KCNJ6: variants seen among roughly 807,000 people sequenced by gnomAD.
KCNJ6 encodes the protein potassium inwardly rectifying channel subfamily J member 6.
A neutral mutation model predicts 34.2 loss-of-function variants in KCNJ6; 9 were observed. That is an observed-to-expected ratio of 0.26 (90% CI 0.16 to 0.46). The LOEUF (loss-of-function observed/expected upper bound fraction) is 0.46, where lower values mean the gene tolerates loss of function less well. Among genes scored for constraint, KCNJ6 ranks in the 20% least tolerant of loss-of-function variants. The probability of loss-of-function intolerance (pLI) is 1.00; values close to 1 mark genes in which losing one functional copy is unlikely to be tolerated. For synonymous variants in KCNJ6, 196 were observed against 207.1 expected, an observed-to-expected ratio of 0.95 and a Z score of 0.46; for missense variants, 236 against 531.3, an observed-to-expected ratio of 0.44 and a Z score of 5.46.
rs576005425 is a variant in KCNJ6, at chr21:37,809,985, G to T, written c.25+30673C>A. Among the ~76,000 whole-genome samples the T allele has an allele frequency of 5.7e-4, 87 of 152,294 alleles. 1 individual carries two copies. In the South Asian group the frequency reaches 0.018, roughly 31 times the overall value. ...TGTGAGTGAGAAATAGGCTTCCATT[G>T]TATTGGATCATTACATATCTGTGTT... On this transcript the variant is annotated intron_variant, in intron 2 of 3. Transcript: ENST00000609713.
At chr21:37,822,195 C>G (rs1006006064) in intron 2 of KCNJ6, among the ~76,000 whole-genome samples, 3 of 152,156 alleles carry the variant, frequency 2.0e-5, no homozygotes, top group African/African-American at 7.2e-5. Context: ...GATGACAGGT[C>G]CCTTGTCATG....
At chr21:37,698,612 C>G (rs1374723804) in intron 3 of KCNJ6, among the ~76,000 whole-genome samples, 1 of 152,144 alleles carries the variant, frequency 6.6e-6, no homozygotes, top group African/African-American at 2.4e-5. Context: ...TCACTGCAGC[C>G]TTTCGACCTC....
intron 2 of KCNJ6, among the ~76,000 whole-genome samples, chr21:37,783,387 T>C (rs1271504820): frequency 6.6e-6 from 1 of 152,180 alleles, no homozygotes; most frequent in East Asian, 1.9e-4. Flanking sequence ...GTTCTCATGG[T>C]AGTGAATAAA....
chr21:37,763,610 T>C (rs1434914217), intron 2 of KCNJ6, among the ~76,000 whole-genome samples: 1 of 152,226 alleles, frequency 6.6e-6, no homozygotes, highest in African/African-American at 2.4e-5. Context: ...TTCTGGTATC[T>C]GGACAATGCC....
intron 1 of KCNJ6, 135 bp from the exon 2 acceptor site, chr21:37,840,844 A>T: frequency 1.7e-6 from 1 of 579,692 alleles, no homozygotes; most frequent in South Asian, 2.5e-5. Flanking sequence ...TTAAATGAAT[A>T]AAAAACCCAC....
At chr21:37,885,018 G>A (rs1367523144) in intron 1 of KCNJ6, among the ~76,000 whole-genome samples, 1 of 152,178 alleles carries the variant, frequency 6.6e-6, no homozygotes, top group South Asian at 2.1e-4. Flanking sequence ...ACTTATGGCT[G>A]TTATTTCTCT....
rs2054280442 is a variant in KCNJ6, at chr21:37,618,517, G to C, written c.*6642C>G. 1 of 152,144 alleles carries C rather than the reference G, an allele frequency of 6.6e-6. No homozygotes were observed. The highest frequency in any genetic ancestry group is 6.5e-5 in the Admixed American group (1 of 15,274). 9.4% of individuals were successfully genotyped at this position (152,144 alleles called of 1,614,324 possible). A position where few individuals can be genotyped will look rare whatever the true frequency, so the allele number is the denominator to read the frequency against. On this transcript the variant is annotated 3_prime_UTR_variant, in exon 4 of 4. Transcript: ENST00000609713. ...AGCCCTTCATATTCTTATAAAGATTGGCTTAGTTGATATCACAGTATTGAT... is the reference window on the plus strand; with the variant it reads ...AGCCCTTCATATTCTTATAAAGATTCGCTTAGTTGATATCACAGTATTGAT...
At chr21:37,736,684 C>T (rs1280078565) in intron 2 of KCNJ6, among the ~76,000 whole-genome samples, 2 of 152,152 alleles carry the variant, frequency 1.3e-5, no homozygotes, top group Non-Finnish European at 2.9e-5. Flanking sequence ...GAGAGGGAGG[C>T]ACAATGCAGG....
chr21:37,616,590 C>CATATATATATATATAT lies in KCNJ6; in HGVS notation c.*8553_*8568dup. The CATATATATATATATAT allele has an allele frequency of 6.0e-3, 542 of 90,806 alleles. 41 individuals are homozygous for CATATATATATATATAT. Among genetic ancestry groups the CATATATATATATATAT allele is most frequent in the Middle Eastern group, 0.012 (2 of 168 alleles). The allele number at this position is 90,806 out of a possible 1,614,324, so 5.6% of individuals were successfully genotyped here. A position where few individuals can be genotyped will look rare whatever the true frequency, so the allele number is the denominator to read the frequency against. On this transcript the variant is annotated 3_prime_UTR_variant, in exon 4 of 4. Transcript: ENST00000609713. ...AATTATGAAGCAGGAACAAAATGTA[C>CATATATATATATATAT]ATATATATATATATATATATATATA... is the stretch of plus-strand genomic sequence containing the variant.
chr21:37,852,133 G>T (rs1361606821), intron 1 of KCNJ6, among the ~76,000 whole-genome samples: 1 of 152,222 alleles, frequency 6.6e-6, no homozygotes, highest in Non-Finnish European at 1.5e-5. Flanking sequence ...GGGAGCTTTG[G>T]CTCCCACTCT....
intron 1 of KCNJ6, among the ~76,000 whole-genome samples, chr21:37,892,628 A>G (rs2055767530): frequency 6.6e-6 from 1 of 152,118 alleles, no homozygotes. Context: ...GGTGAAGGCA[A>G]TGGTAGAGAC....
chr21:37,637,432 C>T (rs1204673409), intron 3 of KCNJ6, among the ~76,000 whole-genome samples: 2 of 152,150 alleles, frequency 1.3e-5, no homozygotes, highest in East Asian at 1.9e-4. Flanking sequence ...TACATGTGTA[C>T]TCCTAATTCT....
At chr21:37,628,705 G>GGTTTGTTAAGTAA (rs2054321321) in intron 3 of KCNJ6, among the ~76,000 whole-genome samples, 1 of 152,096 alleles carries the variant, frequency 6.6e-6, no homozygotes, top group African/African-American at 2.4e-5. Context: ...CCACAAGTAA[G>GGTTTGTTAAGTAA]GTGAACCCAA....
At chr21:37,773,592 C>T (rs555548017) in intron 2 of KCNJ6, among the ~76,000 whole-genome samples, 2 of 152,054 alleles carry the variant, frequency 1.3e-5, no homozygotes, top group South Asian at 2.1e-4. Context: ...ATGGAATTGT[C>T]GACTTCTGTT....
chr21:37,840,522 T>C (rs1388719701), intron 2 of KCNJ6, 136 bp downstream of exon 2: 5 of 613,938 alleles, frequency 8.1e-6, no homozygotes, highest in Non-Finnish European at 1.5e-5. Flanking sequence ...TGATGCAGTG[T>C]GTGTGAAACA....
chr21:37,852,370 C>T (rs2055541960), intron 1 of KCNJ6, among the ~76,000 whole-genome samples: 2 of 152,134 alleles, frequency 1.3e-5, no homozygotes, highest in Admixed American at 6.5e-5. Flanking sequence ...TCACTGCCAT[C>T]CAGCTGTAAC....
intron 2 of KCNJ6, among the ~76,000 whole-genome samples, chr21:37,815,085 A>C (rs1017486544): frequency 6.6e-6 from 1 of 151,962 alleles, no homozygotes; most frequent in Non-Finnish European, 1.5e-5. Context: ...TCTCATGGAG[A>C]TAGAGAGTAG....
intron 3 of KCNJ6, among the ~76,000 whole-genome samples, chr21:37,686,721 C>A (rs1030050745): frequency 6.6e-6 from 1 of 152,112 alleles, no homozygotes; most frequent in South Asian, 2.1e-4. Context: ...CCCACCCTGG[C>A]CTCCCAAAGT....
At chr21:37,661,058 A>C (rs889641523) in intron 3 of KCNJ6, among the ~76,000 whole-genome samples, 1 of 152,164 alleles carries the variant, frequency 6.6e-6, no homozygotes, top group Non-Finnish European at 1.5e-5. Flanking sequence ...TCCATATTCA[A>C]CTTTTTTTGC....
Sources: allele counts gnomAD v4.1 joint callset (sites outside exome capture counted in the v4.1 genomes callset), GRCh38; gene constraint gnomAD v4.1.1; transcripts MANE v1.5; gene names NCBI Gene and HGNC (gene_info 2026-07-23, HGNC 2026-07-21).